The following CAB39L variants were observed in gnomAD, a reference collection of about 807,000 sequenced individuals.
CAB39L encodes calcium binding protein 39 like.
In CAB39L, 23 loss-of-function variants were observed where a neutral mutation model predicts 39.1. The ratio of observed to expected loss-of-function variants is 0.59; its 90% CI spans 0.42 to 0.83. CAB39L has a LOEUF of 0.83. Ranked by LOEUF, CAB39L falls within the 40% of genes least tolerant of loss-of-function variation. CAB39L has a pLI of 0.00. For missense variants in CAB39L, 366 were observed against 391.9 expected (o/e 0.93, Z 0.56); for synonymous variants, 126 against 137.2 (o/e 0.92, Z 0.57).
At chr13:49,331,202 A>G (rs1954682367) in intron 10 of CAB39L, among the ~76,000 whole-genome samples, 1 of 152,208 alleles carries the variant, frequency 6.6e-6, no homozygotes, top group African/African-American at 2.4e-5. Context: ...ACAGTGGCTC[A>G]TGCCTGTAAT....
At chr13:49,368,560 C>T (rs1333698473) in intron 5 of CAB39L, among the ~76,000 whole-genome samples, 1 of 152,030 alleles carries the variant, frequency 6.6e-6, no homozygotes, top group African/African-American at 2.4e-5. Context: ...ACAGAAAAAC[C>T]CTAAAAATAT....
chr13:49,375,395 A>G (rs570865572), intron 5 of CAB39L, among the ~76,000 whole-genome samples: 2,712 of 152,300 alleles, frequency 0.018, 92 homozygotes, highest in African/African-American at 0.061. Flanking sequence ...TAAATAAAAG[A>G]AACAGAAAAG....
At chr13:49,371,372 T>G (rs1291017326) in intron 5 of CAB39L, among the ~76,000 whole-genome samples, 1 of 152,128 alleles carries the variant, frequency 6.6e-6, no homozygotes, top group Non-Finnish European at 1.5e-5. Context: ...GTATTTTTAG[T>G]ACAGATAGGG....
intron 3 of CAB39L, among the ~76,000 whole-genome samples, chr13:49,393,828 A>G (rs933507929): frequency 6.6e-6 from 1 of 152,002 alleles, no homozygotes; most frequent in Non-Finnish European, 1.5e-5. Flanking sequence ...AGTCAAGAAT[A>G]CTAAATAAGC....
intron 3 of CAB39L, among the ~76,000 whole-genome samples, chr13:49,432,352 T>C (rs1024563244): frequency 6.6e-6 from 1 of 152,134 alleles, no homozygotes; most frequent in African/African-American, 2.4e-5. Flanking sequence ...CCCAGGCTGG[T>C]CTTGAACTCC....
chr13:49,345,385 T>C (rs1029218567), intron 7 of CAB39L, among the ~76,000 whole-genome samples: 1 of 152,192 alleles, frequency 6.6e-6, no homozygotes, highest in South Asian at 2.1e-4. Flanking sequence ...CCTATTGCTA[T>C]CACACAACTT....
chr13:49,312,391 G>A (rs1042252734), intron 10 of CAB39L, among the ~76,000 whole-genome samples: 1 of 152,154 alleles, frequency 6.6e-6, no homozygotes, highest in Admixed American at 6.5e-5. Context: ...CCCTATACAG[G>A]TGTACCATTT....
Position 49,315,126 on chromosome 13 carries a change from T to C in CAB39L, c.835-4133A>G, listed in dbSNP as rs373485745. On this transcript the variant is annotated intron_variant, in intron 10 of 10. Coordinates refer to ENST00000409308, the MANE Select transcript of CAB39L (RefSeq NM_001079670.3). ...TTAGTTCTGAAATTGTTCATAAATA[T>C]GATATATAAATTCTTCATGTTTCTG... Among the ~76,000 whole-genome samples, 17 of 152,362 alleles carry C rather than the reference T, an allele frequency of 1.1e-4. 1 individual carries two copies. In the East Asian group the frequency reaches 2.1e-3, roughly 19 times the overall value.
chr13:49,409,371 T>C (rs947237991), intron 3 of CAB39L, among the ~76,000 whole-genome samples: 1 of 151,688 alleles, frequency 6.6e-6, no homozygotes, highest in Admixed American at 6.6e-5. Flanking sequence ...AATGAACGTA[T>C]ATTACTGTTT....
chr13:49,324,569 T>C (rs1202912915), intron 10 of CAB39L, among the ~76,000 whole-genome samples: 1 of 152,108 alleles, frequency 6.6e-6, no homozygotes, highest in Non-Finnish European at 1.5e-5. Flanking sequence ...GTTCCCCACA[T>C]ATAAGTGGGG....
chr13:49,355,100 G>A (rs1475832927), intron 6 of CAB39L, among the ~76,000 whole-genome samples: 1 of 152,000 alleles, frequency 6.6e-6, no homozygotes, highest in Non-Finnish European at 1.5e-5. Context: ...GTTAGGCCAG[G>A]CATAGTGGCT....
intron 10 of CAB39L, among the ~76,000 whole-genome samples, chr13:49,312,807 T>C (rs1325157379): frequency 6.6e-6 from 1 of 152,168 alleles, no homozygotes; most frequent in Non-Finnish European, 1.5e-5. Context: ...AAACAGAAAA[T>C]AACATAACAA....
At chr13:49,311,759 A>G (rs908749107) in intron 10 of CAB39L, among the ~76,000 whole-genome samples, 1 of 152,196 alleles carries the variant, frequency 6.6e-6, no homozygotes, top group South Asian at 2.1e-4. Flanking sequence ...AAAGAAAGAA[A>G]ATGTTTTTGT....
rs142272039 is a variant in CAB39L, at chr13:49,393,383, T to C, written c.-31-10442A>G. Among the ~76,000 whole-genome samples the C allele has an allele frequency of 4.2e-4, 64 of 152,148 alleles. No individual in the cohort carries two copies. The East Asian group carries it at 7.7e-3, about 18-fold the overall frequency. On this transcript the variant is annotated intron_variant, in intron 3 of 10. Transcript: ENST00000409308. Reference sequence around the variant, plus strand: ...ATTTCGAAAATAGGATAATTACTCTTCCTGAAATAGAAAACTAACAAATAA... The same window carrying C: ...ATTTCGAAAATAGGATAATTACTCTCCCTGAAATAGAAAACTAACAAATAA...
intron 6 of CAB39L, among the ~76,000 whole-genome samples, chr13:49,358,029 A>G (rs1042228413): frequency 1.3e-5 from 2 of 152,256 alleles, no homozygotes; most frequent in African/African-American, 4.8e-5. Flanking sequence ...TAGATAGCAC[A>G]TGCTGAAGAT....
At position 49,309,028 on chromosome 13, in the gene CAB39L, T is replaced by G. The variant is rs1267442906; in HGVS notation, c.*1786A>C. 6.6e-6 allele frequency: 1 copy of G among 152,182 alleles called. No individual in the cohort carries two copies. The highest frequency in any genetic ancestry group is 1.9e-4 in the East Asian group (1 of 5,198). 9.4% of individuals were successfully genotyped at this position (152,182 alleles called of 1,614,324 possible). ...TGTGGAACAGTATTAAGTAACCAAA[T>G]ACAATTCCAATGGTTATTTCACCTT... On this transcript the variant is annotated 3_prime_UTR_variant, in exon 11 of 11. Transcript: ENST00000409308.
intron 10 of CAB39L, among the ~76,000 whole-genome samples, chr13:49,311,209 C>T (rs368720713): frequency 2.6e-4 from 39 of 152,162 alleles, no homozygotes; most frequent in African/African-American, 8.0e-4. Context: ...ACCATGTATA[C>T]GACTGTAATC....
intron 5 of CAB39L, among the ~76,000 whole-genome samples, chr13:49,374,847 T>C (rs1380611402): frequency 1.3e-5 from 2 of 152,190 alleles, no homozygotes; most frequent in African/African-American, 4.8e-5. Flanking sequence ...CCACTGCAAA[T>C]TGGGTTAATC....
intron 5 of CAB39L, among the ~76,000 whole-genome samples, chr13:49,367,068 C>T (rs771521351): frequency 6.6e-6 from 1 of 151,928 alleles, no homozygotes; most frequent in African/African-American, 2.4e-5. Context: ...TGCCTATAAT[C>T]CCAGGCAAGA....
Sources: gnomAD v4.1 joint callset for allele counts (sites outside exome capture counted in the v4.1 genomes callset) on GRCh38, gnomAD v4.1.1 for gene constraint, MANE v1.5 for transcripts, NCBI Gene and HGNC (gene_info 2026-07-23, HGNC 2026-07-21) for gene names.